PLA2G4C: variants seen among roughly 807,000 people sequenced by gnomAD.
PLA2G4C encodes phospholipase A2 group IVC.
In PLA2G4C, 64 loss-of-function variants were observed where a neutral mutation model predicts 73.8. That is an observed-to-expected ratio of 0.87 (90% CI 0.71 to 1.07). The LOEUF is 1.07. Among genes scored for constraint, PLA2G4C ranks in the 50% least tolerant of loss-of-function variants. The pLI is 0.00. For synonymous variants in PLA2G4C, 254 were observed against 252.1 expected, an observed-to-expected ratio of 1.01 and a Z score of -0.07; for missense variants, 622 against 665.4, an observed-to-expected ratio of 0.93 and a Z score of 0.72.
chr19:48,096,444 G>A (rs1418329473), intron 6 of PLA2G4C, among the ~76,000 whole-genome samples: 2 of 152,100 alleles, frequency 1.3e-5, no homozygotes, highest in African/African-American at 2.4e-5. Flanking sequence ...TTAGCCAGGC[G>A]TGGTGGTGCA....
In PLA2G4C at chr19:48,089,835, G is replaced by A. The variant is rs566574036; in HGVS notation, c.763+529C>T. Among the ~76,000 whole-genome samples the A allele has an allele frequency of 7.2e-5, 11 of 152,148 alleles. No individual in the cohort carries two copies. The East Asian group carries it at 1.2e-3, about 16-fold the overall frequency. On this transcript the variant is annotated intron_variant, in intron 8 of 16. Coordinates refer to ENST00000599921, the MANE Select transcript of PLA2G4C (RefSeq NM_003706.3). ...CCACCCAGTTCTCCTATAGATCCCC[G>A]CGTCTGCACTCACTGACCAGCAGTG...
At chr19:48,094,795 T>C (rs995332693) in intron 7 of PLA2G4C, among the ~76,000 whole-genome samples, 3 of 152,186 alleles carry the variant, frequency 2.0e-5, no homozygotes, top group Non-Finnish European at 4.4e-5. Flanking sequence ...TTTGTTGTAA[T>C]TTTTTCTGGA....
intron 4 of PLA2G4C, among the ~76,000 whole-genome samples, chr19:48,100,532 G>A (rs1205230435): frequency 6.6e-6 from 1 of 150,944 alleles, no homozygotes; most frequent in Non-Finnish European, 1.5e-5. Flanking sequence ...TTGAACCCGG[G>A]AGGTGGAGGT....
intron 9 of PLA2G4C, among the ~76,000 whole-genome samples, chr19:48,086,137 C>T (rs1295316305): frequency 2.0e-5 from 3 of 152,148 alleles, no homozygotes; most frequent in African/African-American, 7.2e-5. Context: ...GACCCTGGCA[C>T]ATGGCTAGGT....
chr19:48,088,729 G>T lies in PLA2G4C; in HGVS notation c.764-17C>A. On this transcript the variant is annotated splice_polypyrimidine_tract_variant and intron_variant, in intron 8 of 16. Coordinates refer to ENST00000599921, the MANE Select transcript of PLA2G4C (RefSeq NM_003706.3). ...TTAACTGGTCTGCAAAAGAGTAGAA[G>T]CAGGAGGAATGTTTATCTGTACAAC... 6.3e-7 allele frequency: 1 copy of T among 1,587,160 alleles called. No homozygotes were observed. Among genetic ancestry groups the T allele is most frequent in the Non-Finnish European group, 8.7e-7 (1 of 1,155,348 alleles).
At chr19:48,080,993 C>CAAAAAAAA (rs34388817) in intron 10 of PLA2G4C, among the ~76,000 whole-genome samples, 74 of 102,878 alleles carry the variant, frequency 7.2e-4, no homozygotes, top group African/African-American at 2.1e-3. Flanking sequence ...ACTAAAAATA[C>CAAAAAAAA]AAAAAAAAAA....
intron 7 of PLA2G4C, among the ~76,000 whole-genome samples, chr19:48,091,295 C>T (rs1432136980): frequency 6.6e-6 from 1 of 152,118 alleles, no homozygotes; most frequent in Non-Finnish European, 1.5e-5. Flanking sequence ...AAGTGATTCT[C>T]CTGCTTCAGC....
At chr19:48,082,815 C>CTTT (rs936169612) in intron 10 of PLA2G4C, among the ~76,000 whole-genome samples, 81 of 120,496 alleles carry the variant, frequency 6.7e-4, no homozygotes, top group African/African-American at 2.2e-3. Context: ...TTCTTTCTTT[C>CTTT]TTTTTTTTTT....
chr19:48,095,488 C>CA lies in PLA2G4C; in HGVS notation c.684dup (p.Glu229Ter), dbSNP rs1205003602. On this transcript the variant is annotated frameshift_variant, in exon 7 of 17. Coordinates refer to ENST00000599921, the MANE Select transcript of PLA2G4C (RefSeq NM_003706.3). LOFTEE classifies it high-confidence loss of function. ...CCTCTCAGGAAAGTCAGGTCTCTCTCAGGGTGAGTTCTGACCAGTCTTCCC... is the reference window on the plus strand; with the variant it reads ...CCTCTCAGGAAAGTCAGGTCTCTCTCAAGGGTGAGTTCTGACCAGTCTTCCC... The CA allele has an allele frequency of 6.2e-7, 1 of 1,614,014 alleles. No individual in the cohort carries two copies. The highest frequency in any genetic ancestry group is 2.2e-5 in the East Asian group (1 of 44,890).
chr19:48,089,746 G>A (rs569282600), intron 8 of PLA2G4C, among the ~76,000 whole-genome samples: 4 of 152,120 alleles, frequency 2.6e-5, no homozygotes, highest in Admixed American at 6.5e-5. Flanking sequence ...AAGCAGAGCC[G>A]GGATGTGGAT....
chr19:48,083,675 G>A (rs148714386), intron 10 of PLA2G4C, among the ~76,000 whole-genome samples: 5,703 of 151,920 alleles, frequency 0.038, 149 homozygotes, highest in African/African-American at 0.05. Context: ...TCAAACTCCT[G>A]ACCTCAGGTG....
rs1422295392 is a variant in PLA2G4C, at chr19:48,109,735, C to T, written c.-33+752G>A. 2.0e-5 allele frequency among the ~76,000 whole-genome samples: 3 copies of T among 152,150 alleles called. No individual in the cohort carries two copies. In the South Asian group the frequency reaches 6.2e-4, roughly 32 times the overall value. ...CGCAGTCTCGGCTCACTGCAAGCTC[C>T]GCCTTCCGGGCTCACGCCATTCTCC... On this transcript the variant is annotated intron_variant, in intron 1 of 16. Transcript: ENST00000599921.
chr19:48,056,479 C>T (rs1175896319), intron 14 of PLA2G4C, among the ~76,000 whole-genome samples: 1 of 151,916 alleles, frequency 6.6e-6, no homozygotes, highest in Non-Finnish European at 1.5e-5. Flanking sequence ...ACCCGGGAGG[C>T]AGAGGTTGCA....
intron 6 of PLA2G4C, chr19:48,096,949 A>G (rs1397370214): frequency 6.6e-6 from 1 of 152,086 alleles, no homozygotes; most frequent in African/African-American, 2.4e-5. Flanking sequence ...TGAGGTCAGG[A>G]GTTCGAGACC....
At chr19:48,052,401 T>C (rs1458989791) in intron 16 of PLA2G4C, 2 of 152,312 alleles carry the variant, frequency 1.3e-5, no homozygotes, top group Non-Finnish European at 2.9e-5. Context: ...ATCCGGTTGT[T>C]TGAAAGTGTG....
chr19:48,057,483 CTTTTTTT>C (rs1171271257), intron 14 of PLA2G4C, among the ~76,000 whole-genome samples: 943 of 17,816 alleles, frequency 0.053, 29 homozygotes, highest in African/African-American at 0.14. Flanking sequence ...TCTTCTTCTT[CTTTTTTT>C]TTTTTTTTTT....
intron 4 of PLA2G4C, among the ~76,000 whole-genome samples, chr19:48,102,732 TCA>T (rs2031980961): frequency 6.6e-6 from 1 of 152,208 alleles, no homozygotes; most frequent in African/African-American, 2.4e-5. Flanking sequence ...CATCGTGCTC[TCA>T]TTTTCCTGCC....
intron 9 of PLA2G4C, among the ~76,000 whole-genome samples, chr19:48,087,442 C>T (rs574198788): frequency 3.9e-5 from 6 of 152,318 alleles, no homozygotes; most frequent in Admixed American, 2.6e-4. Context: ...GGAGGAGCCC[C>T]TCTAGGTTTA....
At chr19:48,070,934 C>CG (rs58117947) in intron 12 of PLA2G4C, among the ~76,000 whole-genome samples, 141,974 of 152,194 alleles carry the variant, frequency 0.93, 66,542 homozygotes, top group East Asian at 0.99. Flanking sequence ...TCTCGGTTTC[C>CG]GCCTGTTGGC....
Sources: allele counts gnomAD v4.1 joint callset (sites outside exome capture counted in the v4.1 genomes callset), GRCh38; gene constraint gnomAD v4.1.1; transcripts MANE v1.5; gene names NCBI Gene and HGNC (gene_info 2026-07-23, HGNC 2026-07-21).